Variants in ERAP2 observed in about 807,000 individuals in gnomAD.
ERAP2 encodes endoplasmic reticulum aminopeptidase 2.
Under a neutral mutation model 111.1 loss-of-function variants are expected in ERAP2, and 118 were observed. The ratio of observed to expected loss-of-function variants is 1.06; its 90% CI spans 0.92 to 1.24. ERAP2 has a LOEUF of 1.24. ERAP2 is among the 50% of genes most tolerant of loss of function. ERAP2 has a pLI of 0.00. For synonymous variants in ERAP2, 410 were observed against 401.2 expected (o/e 1.02, Z -0.26); for missense variants, 1,131 against 1,125.8 (o/e 1.00, Z -0.07).
At position 96,892,313 on chromosome 5, in the gene ERAP2, C is replaced by T; in HGVS notation, c.985C>T (p.Pro329Ser). ...PLSKLDLIAI[P>S]DFAPGAMENW... is the part of the protein sequence containing the mutation. ...TTATTTCTTAGATTTAATTGCTATT[C>T]CTGACTTTGCACCTGGAGCCATGGA... The change falls in exon 6 of 19, where the codon CCT becomes TCT. Residue 329 changes from proline (P) to serine (S), a missense_variant. Around this residue, in one of 3 missense-constraint regions of ERAP2, gnomAD observed 847 missense variants for 856.5 expected, o/e 0.99. Transcript: ENST00000437043. 1 of 1,613,778 alleles carries T rather than the reference C, an allele frequency of 6.2e-7. No individual in the cohort carries two copies. The highest frequency in any genetic ancestry group is 2.2e-5 in the East Asian group (1 of 44,888).
intron 6 of ERAP2, among the ~76,000 whole-genome samples, chr5:96,894,657 A>AT (rs1784687484): frequency 1.3e-5 from 2 of 152,250 alleles, no homozygotes; most frequent in South Asian, 4.1e-4. Flanking sequence ...TGATTTATAT[A>AT]TTTTTTAAAT....
rs2151124130 is a variant in ERAP2 at position 96,883,937 on chromosome 5, C to T, written c.714+7C>T. ...ACTATCCAACATGCCAAAGGTATGT[C>T]CACTTCCAGAAACTTTTAGAAATTG... On this transcript the variant is annotated splice_region_variant and intron_variant, in intron 3 of 18. Transcript: ENST00000437043. 1 of 1,565,182 alleles carries T rather than the reference C, an allele frequency of 6.4e-7. No individual in the cohort carries two copies. The highest frequency in any genetic ancestry group is 1.2e-5 in the South Asian group (1 of 83,794).
intron 3 of ERAP2, 52 bp from the exon 4 acceptor site, chr5:96,886,601 GGT>G: frequency 7.0e-7 from 1 of 1,421,394 alleles, no homozygotes; most frequent in South Asian, 1.7e-5. Context: ...TCATAGGCAT[GGT>G]TATGAAATAC....
chr5:96,883,915 A>G lies in ERAP2; in HGVS notation c.699A>G (p.Leu233=). 6.2e-7 allele frequency: 1 copy of G among 1,607,100 alleles called. No individual in the cohort carries two copies. The highest frequency in any genetic ancestry group is 8.5e-7 in the Non-Finnish European group (1 of 1,177,494). Residue 233 remains leucine (L), a synonymous_variant, in exon 3 of 19, where the codon CTA becomes CTG. Coordinates refer to ENST00000437043, the MANE Select transcript of ERAP2 (RefSeq NM_022350.5). Reference sequence around the variant, plus strand: ...GAAGAGAGAGCAGGCATATTGCACTATCCAACATGCCAAAGGTATGTCCAC... The same window carrying G: ...GAAGAGAGAGCAGGCATATTGCACTGTCCAACATGCCAAAGGTATGTCCAC... ...KIRRESRHIA[L]SNMPKVKTIE...
chr5:96,903,468 G>A lies in ERAP2; in HGVS notation c.1920G>A (p.Trp640Ter), dbSNP rs770794708. Residue 640 changes from tryptophan (W) to a stop codon, truncating the protein, a stop_gained, in exon 13 of 19, where the codon TGG becomes TGA. Coordinates refer to ENST00000437043, the MANE Select transcript of ERAP2 (RefSeq NM_022350.5). LOFTEE classifies it high-confidence loss of function. ...TCGTTCACTATGAGGGTCATGGATGGGACCAACTCATTACACAGCTGAATC... is the reference window on the plus strand; with the variant it reads ...TCGTTCACTATGAGGGTCATGGATGAGACCAACTCATTACACAGCTGAATC... Reference protein sequence around the residue: ...YYIVHYEGHGWDQLITQLNQN... With the variant: ...YYIVHYEGHG 1.1e-5 allele frequency: 18 copies of A among 1,613,964 alleles called. No individual in the cohort carries two copies. The South Asian group carries it at 1.8e-4, about 16-fold the overall frequency.
chr5:96,889,058 T>C, intron 4 of ERAP2, 127 bp from the exon 5 acceptor site: 1 of 1,133,114 alleles, frequency 8.8e-7, no homozygotes, highest in Non-Finnish European at 1.2e-6. Context: ...ATTGACAACA[T>C]GCTTAATGGT....
intron 5 of ERAP2, 60 bp downstream of exon 5, chr5:96,889,365 T>C: frequency 6.4e-7 from 1 of 1,565,112 alleles, no homozygotes; most frequent in Non-Finnish European, 8.8e-7. Flanking sequence ...CTTTGATCTC[T>C]TCCCTCTTTC....
intron 6 of ERAP2, among the ~76,000 whole-genome samples, chr5:96,893,039 T>C (rs918692835): frequency 7.9e-5 from 12 of 152,158 alleles, no homozygotes; most frequent in Non-Finnish European, 1.8e-4. Flanking sequence ...GCGGATCACA[T>C]AGTAAGCACT....
intron 5 of ERAP2, among the ~76,000 whole-genome samples, chr5:96,891,570 G>T (rs1784400609): frequency 7.8e-6 from 1 of 128,118 alleles, no homozygotes; most frequent in African/African-American, 3.0e-5. Context: ...ACACATATAT[G>T]GTACACACAC....
chr5:96,897,114 C>T (rs1348203918), intron 9 of ERAP2, among the ~76,000 whole-genome samples: 1 of 152,200 alleles, frequency 6.6e-6, no homozygotes, highest in Non-Finnish European at 1.5e-5. Flanking sequence ...ACTAATCCTA[C>T]ACTTTTATGT....
intron 3 of ERAP2, 142 bp downstream of exon 3, chr5:96,884,072 A>ATCTATCTG (rs1561361535): frequency 1.8e-6 from 1 of 556,178 alleles, no homozygotes; most frequent in African/African-American, 2.1e-5. Flanking sequence ...CTATCTATCT[A>ATCTATCTG]TCTATCTATC....
intron 2 of ERAP2, 134 bp downstream of exon 2, chr5:96,880,394 AG>A (rs1783005614): frequency 1.2e-6 from 1 of 803,852 alleles, no homozygotes; most frequent in Non-Finnish European, 1.9e-6. Flanking sequence ...AAGAAGGAAA[AG>A]ATCTACCATT....
At chr5:96,896,973 GC>G (rs1344926238) in intron 9 of ERAP2, 110 bp downstream of exon 9, 2 of 385,192 alleles carry the variant, frequency 5.2e-6, no homozygotes, top group Non-Finnish European at 7.1e-6. Flanking sequence ...TATTTATTCT[GC>G]TTGCTATGTT....
chr5:96,895,268 T>C lies in ERAP2; in HGVS notation c.1148T>C (p.Met383Thr). ...TAGTGGTTTGGCAACCTGGTCACAA[T>C]GGAATGGTGGAATGATATTTGGCTT... is the stretch of plus-strand genomic sequence containing the variant. ...AHQWFGNLVT[M>T]EWWNDIWLKE... The change falls in exon 7 of 19, where the codon ATG becomes ACG. Residue 383 changes from methionine (M) to threonine (T), a missense_variant. Around this residue, in one of 3 missense-constraint regions of ERAP2, gnomAD observed 847 missense variants for 856.5 expected, o/e 0.99. Coordinates refer to ENST00000437043, the MANE Select transcript of ERAP2 (RefSeq NM_022350.5). 1 of 1,611,970 alleles carries C rather than the reference T, an allele frequency of 6.2e-7. No individual in the cohort carries two copies. The highest frequency in any genetic ancestry group is 8.5e-7 in the Non-Finnish European group (1 of 1,178,812).
At chr5:96,884,384 G>A (rs982743645) in intron 3 of ERAP2, among the ~76,000 whole-genome samples, 2 of 152,156 alleles carry the variant, frequency 1.3e-5, no homozygotes, top group Admixed American at 6.5e-5. Context: ...CACTGCTGAC[G>A]GTCCAGAGAC....
intron 7 of ERAP2, 127 bp downstream of exon 7, chr5:96,895,486 G>T (rs1784787877): frequency 1.4e-6 from 1 of 692,314 alleles, no homozygotes; most frequent in South Asian, 1.7e-5. Flanking sequence ...ATGGCATTTT[G>T]TTTGATACAC....
intron 13 of ERAP2, among the ~76,000 whole-genome samples, chr5:96,907,786 G>A (rs1786258073): frequency 6.6e-6 from 1 of 152,056 alleles, no homozygotes; most frequent in South Asian, 2.1e-4. Context: ...AGGAGGCTGA[G>A]GCAGGAGAAT....
chr5:96,895,348 G>A lies in ERAP2; in HGVS notation c.1228G>A (p.Glu410Lys). ...TATCGCTGTTAATGCTACATATCCA[G>A]AGCTGCAATTTGTAAGTTCACAATT... ...ELIAVNATYP[E>K]LQFDDYFLNV... Residue 410 changes from glutamate (E) to lysine (K), a missense_variant, in exon 7 of 19, where the codon GAG becomes AAG. By Grantham distance (56) the Glu-to-Lys change is moderately conservative. Coordinates refer to ENST00000437043, the MANE Select transcript of ERAP2 (RefSeq NM_022350.5). The A allele has an allele frequency of 1.2e-6, 2 of 1,606,696 alleles. No individual in the cohort carries two copies. The highest frequency in any genetic ancestry group is 1.7e-6 in the Non-Finnish European group (2 of 1,174,266).
rs73150323 is a variant in ERAP2, at chr5:96,883,830, G to T, written c.614G>T (p.Arg205Leu). 1 of 1,613,276 alleles carries T rather than the reference G, an allele frequency of 6.2e-7. No homozygotes were observed. Among genetic ancestry groups the T allele is most frequent in the Non-Finnish European group, 8.5e-7 (1 of 1,179,732 alleles). Residue 205 changes from arginine to leucine, a missense_variant, in exon 3 of 19, where the codon CGC becomes CTC. Transcript: ENST00000437043. ...AVTDFEPTQA[R>L]MAFPCFDEPL... ...ACAGATTTTGAGCCAACCCAGGCAC[G>T]CATGGCTTTCCCTTGCTTTGATGAA...
Sources: gnomAD v4.1 joint callset for allele counts (sites outside exome capture counted in the v4.1 genomes callset) on GRCh38, gnomAD v4.1.1 for gene constraint, gnomAD v4.1.1 regional missense constraint, MANE v1.5 for transcripts, NCBI Gene and HGNC (gene_info 2026-07-23, HGNC 2026-07-21) for gene names.